The following TMX2 variants were observed in gnomAD, a reference collection of about 807,000 sequenced individuals.
TMX2 encodes the protein thioredoxin related transmembrane protein 2.
Under a neutral mutation model 33.4 loss-of-function variants are expected in TMX2, and 20 were observed. That is an observed-to-expected ratio of 0.60 (90% confidence interval 0.42 to 0.87). TMX2 has a LOEUF of 0.87. Among genes scored for constraint, TMX2 ranks in the 40% least tolerant of loss-of-function variants. The pLI is 0.00. For synonymous variants in TMX2, 166 were observed against 140.7 expected, an observed-to-expected ratio of 1.18 and a Z score of -1.27; for missense variants, 340 against 370.7, an observed-to-expected ratio of 0.92 and a Z score of 0.68.
chr11:57,714,008 G>A (rs748646617), intron 1 of TMX2, among the ~76,000 whole-genome samples: 16 of 152,230 alleles, frequency 1.1e-4, no homozygotes, highest in Non-Finnish European at 2.2e-4. Flanking sequence ...AGGCAGATAA[G>A]GTAGTTATCA....
At chr11:57,716,597 G>A (rs1286533412) in intron 1 of TMX2, among the ~76,000 whole-genome samples, 1 of 135,416 alleles carries the variant, frequency 7.4e-6, no homozygotes, top group Non-Finnish European at 1.6e-5. Context: ...CGGACGGGGC[G>A]GCTGGCCGGG....
At chr11:57,718,655 T>A in intron 1 of TMX2, 1 of 79,242 alleles carries the variant, frequency 1.3e-5, no homozygotes, top group Non-Finnish European at 2.8e-5. Context: ...CCCCCCCTCT[T>A]TTTTTTTTTT....
intron 1 of TMX2, among the ~76,000 whole-genome samples, chr11:57,722,389 CTT>C (rs1590926881): frequency 6.6e-6 from 1 of 151,296 alleles, no homozygotes; most frequent in East Asian, 1.9e-4. Flanking sequence ...ACCCGGCCCT[CTT>C]TCTCTTTTGA....
chr11:57,729,972 G>A (rs189477775), intron 1 of TMX2, among the ~76,000 whole-genome samples: 2 of 151,210 alleles, frequency 1.3e-5, no homozygotes, highest in African/African-American at 4.9e-5. Context: ...GCCAGGCATG[G>A]TGGCATGCAC....
At chr11:57,725,510 G>GACC (rs1324230979) in intron 1 of TMX2, among the ~76,000 whole-genome samples, 1 of 152,192 alleles carries the variant, frequency 6.6e-6, no homozygotes, top group African/African-American at 2.4e-5. Flanking sequence ...ACCGAGGCGG[G>GACC]TGGATCACTT....
At chr11:57,721,786 G>C (rs959876670) in intron 1 of TMX2, among the ~76,000 whole-genome samples, 9 of 152,036 alleles carry the variant, frequency 5.9e-5, no homozygotes, top group African/African-American at 1.7e-4. Flanking sequence ...AAAGACTCTT[G>C]TTTTCATAGA....
At chr11:57,738,467 T>C in intron 4 of TMX2, 37 bp downstream of exon 4, 1 of 1,510,712 alleles carries the variant, frequency 6.6e-7, no homozygotes, top group South Asian at 1.1e-5. Context: ...CTTGGGTCCC[T>C]TGTGGGTGAT....
intron 1 of TMX2, among the ~76,000 whole-genome samples, chr11:57,719,706 G>A (rs1217046557): frequency 6.6e-6 from 1 of 151,328 alleles, no homozygotes; most frequent in Non-Finnish European, 1.5e-5. Context: ...TTGTAGAGAT[G>A]GGGTTTCGCC....
At chr11:57,723,512 AAAAG>A (rs1165749676) in intron 1 of TMX2, among the ~76,000 whole-genome samples, 77 of 150,360 alleles carry the variant, frequency 5.1e-4, no homozygotes, top group South Asian at 8.4e-4. Flanking sequence ...CAAAAAAAAA[AAAAG>A]AAAGAAAGAA....
rs117669465 is a variant in TMX2, at chr11:57,729,018, C to T, written c.190-8590C>T. ...GACACTTAAGAGGGCAGAAACGACT[C>T]AGTGGTGACACTGTGGAGTCCTGCC... On this transcript the variant is annotated intron_variant, in intron 1 of 7. Coordinates refer to ENST00000278422, the MANE Select transcript of TMX2 (RefSeq NM_015959.4). 5.5e-3 allele frequency among the ~76,000 whole-genome samples: 836 copies of T among 152,198 alleles called. 14 individuals carry two copies. Among genetic ancestry groups the T allele is most frequent in the Admixed American group, 0.031 (473 of 15,282 alleles).
In TMX2 at chr11:57,738,966, C is replaced by A. The variant is rs1439549877; in HGVS notation, c.549-8C>A. On this transcript the variant is annotated splice_region_variant and splice_polypyrimidine_tract_variant and intron_variant, in intron 5 of 7. Transcript: ENST00000278422. ...TTTTCAGCATATTAAATAATATATT[C>A]TTTTCAGATACAACTGTACAGGGCT... 1.2e-6 allele frequency: 2 copies of A among 1,612,456 alleles called. No individual in the cohort carries two copies. Among genetic ancestry groups the A allele is most frequent in the Non-Finnish European group, 1.7e-6 (2 of 1,178,894 alleles).
chr11:57,740,386 AG>A lies in TMX2; in HGVS notation c.*143del. On this transcript the variant is annotated 3_prime_UTR_variant, in exon 8 of 8. Transcript: ENST00000278422. ...CAGCATGCAGCTTCTGATTTTAAAGAGGCATCTAGGGAATTGTCAGGCACCC... is the reference window on the plus strand; with the variant it reads ...CAGCATGCAGCTTCTGATTTTAAAGAGCATCTAGGGAATTGTCAGGCACCC... 2 of 1,076,820 alleles carry A rather than the reference AG, an allele frequency of 1.9e-6. No homozygotes were observed. Among genetic ancestry groups the A allele is most frequent in the Non-Finnish European group, 2.6e-6 (2 of 782,686 alleles). 66.7% of individuals were successfully genotyped at this position (1,076,820 alleles called of 1,614,324 possible).
At chr11:57,730,102 TC>T (rs1214790457) in intron 1 of TMX2, among the ~76,000 whole-genome samples, 1 of 142,336 alleles carries the variant, frequency 7.0e-6, no homozygotes, top group East Asian at 2.1e-4. Context: ...AGACTCCGTT[TC>T]CCCCCACAAA....
chr11:57,738,484 G>A (rs2135652527), intron 4 of TMX2, 54 bp downstream of exon 4: 2 of 1,417,528 alleles, frequency 1.4e-6, no homozygotes, highest in Non-Finnish European at 2.0e-6. Context: ...TGATTTTGTA[G>A]TTGTGCTCTC....
At chr11:57,715,326 G>A (rs1946901487) in intron 1 of TMX2, among the ~76,000 whole-genome samples, 1 of 152,112 alleles carries the variant, frequency 6.6e-6, no homozygotes, top group Admixed American at 6.6e-5. Flanking sequence ...ACTTGAACCT[G>A]AGAGGCAGAG....
Position 57,740,899 on chromosome 11 carries a change from T to G in TMX2, c.*654T>G, listed in dbSNP as rs1949043105. On this transcript the variant is annotated 3_prime_UTR_variant, in exon 8 of 8. Transcript: ENST00000278422. ...CTTGGAGGAGAAATCCCCTGGACTT[T>G]CACTAACCCTCTGACATACTCCCCA... 1 of 152,280 alleles carries G rather than the reference T, an allele frequency of 6.6e-6. No individual in the cohort carries two copies. Among genetic ancestry groups the G allele is most frequent in the African/African-American group, 2.4e-5 (1 of 41,472 alleles). 9.4% of individuals were successfully genotyped at this position (152,280 alleles called of 1,614,324 possible).
intron 1 of TMX2, among the ~76,000 whole-genome samples, chr11:57,717,069 G>C (rs1363426513): frequency 6.7e-6 from 1 of 149,000 alleles, no homozygotes; most frequent in East Asian, 2.0e-4. Context: ...CGGACGGGGC[G>C]GCGGGGCAGA....
rs1417681557 is a variant in TMX2 at position 57,718,444 on chromosome 11, T to C, written c.189+5637T>C. 8 of 1,154,744 alleles carry C rather than the reference T, an allele frequency of 6.9e-6. No individual in the cohort carries two copies. In the East Asian group the frequency reaches 7.4e-5, roughly 11 times the overall value. 71.5% of individuals were successfully genotyped at this position (1,154,744 alleles called of 1,614,324 possible). A position where few individuals can be genotyped will look rare whatever the true frequency, so the allele number is the denominator to read the frequency against. On this transcript the variant is annotated intron_variant, in intron 1 of 7. Coordinates refer to ENST00000278422, the MANE Select transcript of TMX2 (RefSeq NM_015959.4). ...GAGCACGAAAGTTTTCTGTTGTCTT[T>C]GGAACCTTGTCTGCAAACAGCTCGA... is the stretch of plus-strand genomic sequence containing the variant.
At position 57,737,666 on chromosome 11, in the gene TMX2, C is replaced by G; in HGVS notation, c.248C>G (p.Ser83Cys). 1 of 1,613,812 alleles carries G rather than the reference C, an allele frequency of 6.2e-7. No homozygotes were observed. ...ATTGTGATGATGAAGAACCGCAGATCCAGTAAGTTTAGTTCACTTCTCAGA... is the reference window on the plus strand; with the variant it reads ...ATTGTGATGATGAAGAACCGCAGATGCAGTAAGTTTAGTTCACTTCTCAGA... ...SAIVMMKNRRSITVEQHIGNI... is the reference protein window; with the variant it reads ...SAIVMMKNRRCITVEQHIGNI... Residue 83 changes from serine (S) to cysteine (C), a missense_variant and splice_region_variant, in exon 2 of 8, where the codon TCC (serine) becomes TGC (cysteine). By Grantham distance (112) the Ser-to-Cys change is moderately radical. Around this residue, in one of 3 missense-constraint regions of TMX2, gnomAD observed 25 missense variants for 46.5 expected, o/e 0.54. Coordinates refer to ENST00000278422, the MANE Select transcript of TMX2 (RefSeq NM_015959.4).
Sources: gnomAD v4.1 joint callset for allele counts (sites outside exome capture counted in the v4.1 genomes callset) on GRCh38, gnomAD v4.1.1 for gene constraint, gnomAD v4.1.1 regional missense constraint, MANE v1.5 for transcripts, NCBI Gene and HGNC (gene_info 2026-07-23, HGNC 2026-07-21) for gene names.